The following DLG2 variants were observed in gnomAD, a reference collection of about 807,000 sequenced individuals.
The protein encoded by DLG2 is discs large MAGUK scaffold protein 2, also known as disks large homolog 2.
In DLG2, 45 loss-of-function variants were observed where a neutral mutation model predicts 132.5. The ratio of observed to expected loss-of-function variants is 0.34; its 90% CI spans 0.27 to 0.44. The LOEUF (loss-of-function observed/expected upper bound fraction) is 0.44. Ranked by LOEUF, DLG2 falls within the 20% of genes least tolerant of loss-of-function variation. DLG2 has a pLI of 1.00. For missense variants in DLG2, 1,045 were observed against 1,196.9 expected, an observed-to-expected ratio of 0.87 and a Z score of 1.87; for synonymous variants, 424 against 419.6, an observed-to-expected ratio of 1.01 and a Z score of -0.13.
At chr11:84,395,701 A>T (rs996238737) in intron 7 of DLG2, among the ~76,000 whole-genome samples, 1 of 152,246 alleles carries the variant, frequency 6.6e-6, no homozygotes, top group East Asian at 1.9e-4. Flanking sequence ...TTAATTTTTT[A>T]GTTAACTAGA....
intron 7 of DLG2, among the ~76,000 whole-genome samples, chr11:84,407,597 G>C (rs1316222847): frequency 6.6e-6 from 1 of 152,102 alleles, no homozygotes; most frequent in Non-Finnish European, 1.5e-5. Flanking sequence ...TGCTCTGATA[G>C]GACTGGTGAC....
rs1288110399 is a variant in DLG2 at position 83,907,959 on chromosome 11, T to C, written c.1496+22369A>G. ...TTCAACTGACCATCCCTCCTCAGCT[T>C]CCCAAGTAGCTTGCCTCCATTATGG... On this transcript the variant is annotated intron_variant, in intron 15 of 27. Coordinates refer to ENST00000376104, the MANE Select transcript of DLG2 (RefSeq NM_001142699.3). Among the ~76,000 whole-genome samples the C allele has an allele frequency of 2.0e-5, 3 of 152,292 alleles. No individual in the cohort carries two copies. The East Asian group carries it at 5.8e-4, about 29-fold the overall frequency.
In DLG2 at chr11:85,111,641, C is replaced by G; in HGVS notation, c.357+20G>C. On this transcript the variant is annotated intron_variant, in intron 6 of 27. Coordinates refer to ENST00000376104, the MANE Select transcript of DLG2 (RefSeq NM_001142699.3). ...AACATTTATCCTTCAATCTGCTAAT[C>G]TTGGAATAATCAAACTTACAGTACA... 10 of 1,533,884 alleles carry G rather than the reference C, an allele frequency of 6.5e-6. No homozygotes were observed. The highest frequency in any genetic ancestry group is 8.8e-6 in the Non-Finnish European group (10 of 1,135,062).
chr11:85,049,434 T>A (rs973201111), intron 6 of DLG2, among the ~76,000 whole-genome samples: 2 of 141,402 alleles, frequency 1.4e-5, no homozygotes, highest in African/African-American at 4.9e-5. Flanking sequence ...AAGTATTTGC[T>A]ATATCATTAG....
intron 3 of DLG2, among the ~76,000 whole-genome samples, chr11:85,437,577 C>T (rs1049600899): frequency 7.9e-5 from 12 of 151,988 alleles, no homozygotes; most frequent in Non-Finnish European, 1.6e-4. Flanking sequence ...CACAAATATA[C>T]ACTACTCAAA....
chr11:84,336,545 C>CTCATGCTAG lies in DLG2; in HGVS notation c.520-85263_520-85255dup, dbSNP rs1452818054. Among the ~76,000 whole-genome samples, 12 of 152,324 alleles carry CTCATGCTAG rather than the reference C, an allele frequency of 7.9e-5. No homozygotes were observed. The East Asian group carries it at 1.2e-3, about 15-fold the overall frequency. On this transcript the variant is annotated intron_variant, in intron 7 of 27. Coordinates refer to ENST00000376104, the MANE Select transcript of DLG2 (RefSeq NM_001142699.3). The stretch of plus-strand genomic sequence containing the variant: ...ATTCCCTTTACCAAGACCACAGAGC[C>CTCATGCTAG]TCATGCTAGTCACATGGATTAACTT...
At chr11:84,542,957 C>T (rs1294486926) in intron 6 of DLG2, among the ~76,000 whole-genome samples, 2 of 150,692 alleles carry the variant, frequency 1.3e-5, no homozygotes, top group African/African-American at 4.9e-5. Context: ...TTTTCTCCAG[C>T]TTCTTCCTTT....
At chr11:84,552,403 G>A (rs372851091) in intron 6 of DLG2, among the ~76,000 whole-genome samples, 1 of 152,038 alleles carries the variant, frequency 6.6e-6, no homozygotes, top group East Asian at 1.9e-4. Context: ...AAGAGGAATG[G>A]ATCACCTCCA....
intron 18 of DLG2, among the ~76,000 whole-genome samples, chr11:83,684,983 T>C (rs2153605526): frequency 6.6e-6 from 1 of 152,330 alleles, no homozygotes; most frequent in Non-Finnish European, 1.5e-5. Context: ...ACCTTGAAGC[T>C]GTATCAATAT....
chr11:84,114,150 T>A (rs1036606439), intron 9 of DLG2, among the ~76,000 whole-genome samples: 3 of 151,966 alleles, frequency 2.0e-5, no homozygotes, highest in Non-Finnish European at 4.4e-5. Context: ...ATAAATAAAT[T>A]ATTACTTATA....
At chr11:84,491,366 G>A (rs1006032416) in intron 7 of DLG2, among the ~76,000 whole-genome samples, 4 of 152,096 alleles carry the variant, frequency 2.6e-5, no homozygotes, top group Admixed American at 1.3e-4. Flanking sequence ...CACGTAAGAT[G>A]TGACTTGCTC....
At chr11:83,583,565 T>C (rs2097021804) in intron 19 of DLG2, among the ~76,000 whole-genome samples, 1 of 152,238 alleles carries the variant, frequency 6.6e-6, no homozygotes, top group Non-Finnish European at 1.5e-5. Context: ...GGTTTATCTC[T>C]AAGGTAACTT....
At chr11:85,077,383 A>G (rs1182411549) in intron 6 of DLG2, among the ~76,000 whole-genome samples, 1 of 152,008 alleles carries the variant, frequency 6.6e-6, no homozygotes, top group East Asian at 1.9e-4. Flanking sequence ...AAGGAGTGAT[A>G]GGAACAAATT....
chr11:83,501,944 G>C (rs1591969750), intron 21 of DLG2, among the ~76,000 whole-genome samples: 1 of 152,210 alleles, frequency 6.6e-6, no homozygotes, highest in East Asian at 1.9e-4. Context: ...TTCATCTTCA[G>C]CTTAACCCTG....
At chr11:83,893,987 T>A (rs1177762007) in intron 15 of DLG2, among the ~76,000 whole-genome samples, 1 of 152,220 alleles carries the variant, frequency 6.6e-6, no homozygotes, top group Non-Finnish European at 1.5e-5. Context: ...TTGCTCCAAA[T>A]CCTTTCTCCC....
chr11:84,753,847 A>C (rs1243688206), intron 6 of DLG2, among the ~76,000 whole-genome samples: 1 of 152,234 alleles, frequency 6.6e-6, no homozygotes, highest in Non-Finnish European at 1.5e-5. Flanking sequence ...CAATATAGGC[A>C]CTAAATCAGA....
chr11:85,150,242 G>C (rs12272012), intron 5 of DLG2, among the ~76,000 whole-genome samples: 4,751 of 151,746 alleles, frequency 0.031, 120 homozygotes, highest in Non-Finnish European at 0.047. Flanking sequence ...GGAAGGTCTC[G>C]ATCTCCTGAC....
intron 11 of DLG2, among the ~76,000 whole-genome samples, chr11:83,997,866 G>C (rs2094134474): frequency 6.7e-6 from 1 of 150,344 alleles, no homozygotes; most frequent in African/African-American, 2.4e-5. Context: ...TGAAGTACTT[G>C]CCAGAAGTCA....
intron 7 of DLG2, among the ~76,000 whole-genome samples, chr11:84,305,963 AC>A (rs2094441675): frequency 6.6e-6 from 1 of 152,168 alleles, no homozygotes; most frequent in Non-Finnish European, 1.5e-5. Flanking sequence ...TATTTTAAAA[AC>A]AACTTTATTA....
Sources: allele counts gnomAD v4.1 joint callset (sites outside exome capture counted in the v4.1 genomes callset), GRCh38; gene constraint gnomAD v4.1.1; transcripts MANE v1.5; gene names NCBI Gene and HGNC (gene_info 2026-07-23, HGNC 2026-07-21).